CTBP2: variants seen among roughly 807,000 people sequenced by gnomAD.
CTBP2 encodes C-terminal binding protein 2.
Under a neutral mutation model 80.3 loss-of-function variants are expected in CTBP2, and 30 were observed. The ratio of observed to expected loss-of-function variants is 0.37; its 90% CI spans 0.28 to 0.51. The LOEUF (loss-of-function observed/expected upper bound fraction) is 0.51. CTBP2 is among the 20% of genes least tolerant of loss of function. The probability of loss-of-function intolerance (pLI) is 0.93; values close to 1 mark genes in which losing one functional copy is unlikely to be tolerated. For missense variants in CTBP2, 1,212 were observed against 1,375.3 expected, an observed-to-expected ratio of 0.88 and a Z score of 1.88; for synonymous variants, 594 against 587.4, an observed-to-expected ratio of 1.01 and a Z score of -0.16.
rs187824196 is a variant in CTBP2 at position 125,035,207 on chromosome 10, A to G, written c.58+3790T>C. On this transcript the variant is annotated intron_variant, in intron 3 of 10. Transcript: ENST00000337195. ...AGATTCCCAGACTTTCTAACTATCT[A>G]TGTGTTTCACAGAAACCAGCTTGTC... is the stretch of plus-strand genomic sequence containing the variant. Among the ~76,000 whole-genome samples, 231 of 152,272 alleles carry G rather than the reference A, an allele frequency of 1.5e-3. 1 individual carries two copies. The highest frequency in any genetic ancestry group is 5.2e-3 in the African/African-American group (217 of 41,546).
rs1246614734 is a variant in CTBP2 at position 124,986,287 on chromosome 10, G to GCACACACA, written c.*3230_*3231insTGTGTGTG. 6 of 73,020 alleles carry GCACACACA rather than the reference G, an allele frequency of 8.2e-5. No individual in the cohort carries two copies. The highest frequency in any genetic ancestry group is 2.5e-4 in the African/African-American group (6 of 23,686). The allele number at this position is 73,020 out of a possible 1,614,324, so 4.5% of individuals were successfully genotyped here. ...GGAAAGACGACACACGCACGCGCGC[G>GCACACACA]CGCGCACACACACACACACACACAC... On this transcript the variant is annotated 3_prime_UTR_variant, in exon 9 of 9. Coordinates refer to ENST00000309035, the MANE Select transcript of CTBP2 (RefSeq NM_022802.3).
chr10:125,098,724 C>A (rs1152682), intron 2 of CTBP2, among the ~76,000 whole-genome samples: 17 of 75,656 alleles, frequency 2.2e-4, no homozygotes, highest in African/African-American at 5.8e-4. Context: ...GAGAGAGAGA[C>A]AGAGAGAGAG....
In CTBP2 at chr10:124,998,114, T is replaced by C. The variant is rs1953896631; in HGVS notation, c.2035A>G (p.Ile679Val). The C allele has an allele frequency of 6.2e-7, 1 of 1,612,456 alleles. No individual in the cohort carries two copies. Among genetic ancestry groups the C allele is most frequent in the Non-Finnish European group, 8.5e-7 (1 of 1,179,608 alleles). The change falls in exon 4 of 9, where the codon ATC becomes GTC. Residue 679 changes from isoleucine (I) to valine (V), a missense_variant. Physicochemically the swap from Ile to Val is conservative, Grantham distance 29. Coordinates refer to ENST00000309035, the MANE Select transcript of CTBP2 (RefSeq NM_022802.3). ...CGGTACAGGTTGAGGATGTGGCAGA[T>C]GGTAGAGTCCGCTGTCTCTTCCACG...
intron 1 of CTBP2, among the ~76,000 whole-genome samples, chr10:125,114,504 T>C (rs1852865751): frequency 6.6e-6 from 1 of 152,074 alleles, no homozygotes; most frequent in Non-Finnish European, 1.5e-5. Context: ...CTGCAGTACC[T>C]AGACAGGACC....
rs549715386 is a variant in CTBP2 at position 125,027,663 on chromosome 10, G to A, written c.97C>T (p.Arg33Trp). The A allele has an allele frequency of 4.3e-5, 69 of 1,613,862 alleles. No homozygotes were observed. The highest frequency in any genetic ancestry group is 3.2e-4 in the Admixed American group (19 of 60,000). Reference sequence around the variant, plus strand: ...AGGGAGCTTCTCCTCCCCAGAGGCCGCAGGGACTCGGCGTTCTCCCAGGGG... The same window carrying A: ...AGGGAGCTTCTCCTCCCCAGAGGCCACAGGGACTCGGCGTTCTCCCAGGGG... The change falls in exon 1 of 9, where the codon CGG becomes TGG. Residue 33 changes from arginine to tryptophan, a missense_variant. Coordinates refer to ENST00000309035, the MANE Select transcript of CTBP2 (RefSeq NM_022802.3).
chr10:125,051,495 C>G (rs564514876), intron 2 of CTBP2, among the ~76,000 whole-genome samples: 7 of 152,032 alleles, frequency 4.6e-5, no homozygotes, highest in Non-Finnish European at 4.4e-5. Flanking sequence ...CAAAAATTAG[C>G]CAGGTGTGGT....
chr10:125,058,315 C>T (rs981404702), intron 2 of CTBP2, among the ~76,000 whole-genome samples: 1 of 152,178 alleles, frequency 6.6e-6, no homozygotes, highest in Non-Finnish European at 1.5e-5. Context: ...CGATTGCACA[C>T]ACAGTGCTGC....
intron 2 of CTBP2, among the ~76,000 whole-genome samples, chr10:125,095,382 C>T (rs1041554369): frequency 6.6e-6 from 1 of 152,276 alleles, no homozygotes; most frequent in Admixed American, 6.5e-5. Context: ...TCTGGAGTTA[C>T]GCAGCCCAGC....
chr10:124,984,902 G>A lies in CTBP2; in HGVS notation c.*4616C>T. The stretch of plus-strand genomic sequence containing the variant: ...GAAATCACCCCCTGGTCACTCAGAT[G>A]GTAGAAAAATGGCTTGACCGCTACC... On this transcript the variant is annotated 3_prime_UTR_variant, in exon 9 of 9. Coordinates refer to ENST00000309035, the MANE Select transcript of CTBP2 (RefSeq NM_022802.3). The A allele has an allele frequency of 6.2e-7, 1 of 1,614,030 alleles. No homozygotes were observed. Among genetic ancestry groups the A allele is most frequent in the Non-Finnish European group, 8.5e-7 (1 of 1,180,014 alleles).
At chr10:125,125,655 TAGAG>T (rs1855110703) in intron 1 of CTBP2, among the ~76,000 whole-genome samples, 1 of 152,198 alleles carries the variant, frequency 6.6e-6, no homozygotes, top group Admixed American at 6.5e-5. Flanking sequence ...TCAACAGTGA[TAGAG>T]TGAATGGGAC....
rs149159995 is a variant in CTBP2 at position 125,018,881 on chromosome 10, C to T, written c.1678+7201G>A. Among the ~76,000 whole-genome samples the T allele has an allele frequency of 2.8e-4, 43 of 152,386 alleles. No individual in the cohort carries two copies. In the East Asian group the frequency reaches 8.1e-3, roughly 29 times the overall value. On this transcript the variant is annotated intron_variant, in intron 1 of 8. Transcript: ENST00000309035. ...TGGTGAAGCACACCCAGGGTGCTAA[C>T]TCAGCCACAGGCTGCCCCATGTCCC...
At position 124,988,582 on chromosome 10, in the gene CTBP2, A is replaced by T. The variant is rs1471367734; in HGVS notation, c.*936T>A. On this transcript the variant is annotated 3_prime_UTR_variant, in exon 9 of 9. Coordinates refer to ENST00000309035, the MANE Select transcript of CTBP2 (RefSeq NM_022802.3). ...ATTCACAAAAGACTATGAATAGAAC[A>T]TGTAACTAGTTGATACAAATCTAAT... 6.5e-6 allele frequency: 1 copy of T among 152,708 alleles called. No homozygotes were observed. Among genetic ancestry groups the T allele is most frequent in the Non-Finnish European group, 1.5e-5 (1 of 68,048 alleles). 9.5% of individuals were successfully genotyped at this position (152,708 alleles called of 1,614,324 possible).
intron 1 of CTBP2, among the ~76,000 whole-genome samples, chr10:125,130,037 CTCTCT>C (rs1442637257): frequency 1.3e-5 from 1 of 79,480 alleles, no homozygotes; most frequent in Non-Finnish European, 2.7e-5. Flanking sequence ...CACAGGATTT[CTCTCT>C]TTTTTTTTTT....
At chr10:125,094,205 C>CT (rs1849206485) in intron 2 of CTBP2, among the ~76,000 whole-genome samples, 1 of 152,174 alleles carries the variant, frequency 6.6e-6, no homozygotes, top group African/African-American at 2.4e-5. Context: ...CTCAGGGATG[C>CT]TTTGTCCTGA....
At chr10:125,110,814 T>G (rs1015225917) in intron 2 of CTBP2, among the ~76,000 whole-genome samples, 176 bp downstream of exon 2, 2 of 152,192 alleles carry the variant, frequency 1.3e-5, no homozygotes, top group African/African-American at 4.8e-5. Flanking sequence ...TTTTGATAAA[T>G]GAAAATACTA....
At chr10:125,015,783 TAGAGA>T (rs1452832239) in intron 1 of CTBP2, among the ~76,000 whole-genome samples, 1 of 151,958 alleles carries the variant, frequency 6.6e-6, no homozygotes, top group East Asian at 1.9e-4. Context: ...TAAGGGAAAA[TAGAGA>T]AGAGAAAAGT....
At chr10:125,125,366 T>C (rs941437555) in intron 1 of CTBP2, among the ~76,000 whole-genome samples, 7 of 149,780 alleles carry the variant, frequency 4.7e-5, no homozygotes, top group Admixed American at 2.7e-4. Flanking sequence ...GAGACAGATA[T>C]AAGCCTTATA....
intron 1 of CTBP2, among the ~76,000 whole-genome samples, chr10:125,139,856 A>G (rs1857514354): frequency 6.6e-6 from 1 of 152,228 alleles, no homozygotes; most frequent in African/African-American, 2.4e-5. Context: ...CACAGAGCAC[A>G]GGTGGCTGGT....
chr10:125,056,950 T>A (rs6597875), intron 2 of CTBP2, among the ~76,000 whole-genome samples: 29,248 of 152,142 alleles, frequency 0.19, 4,076 homozygotes, highest in African/African-American at 0.4. Context: ...CCCTCATTGC[T>A]TTCTCCATCA....
Sources: gnomAD v4.1 joint callset for allele counts (sites outside exome capture counted in the v4.1 genomes callset) on GRCh38, gnomAD v4.1.1 for gene constraint, MANE v1.5 for transcripts, NCBI Gene and HGNC (gene_info 2026-07-23, HGNC 2026-07-21) for gene names.